Variants in CSDE1 observed in about 807,000 individuals in gnomAD.
CSDE1 encodes the protein cold shock domain-containing protein E1.
A neutral mutation model predicts 89.3 loss-of-function variants in CSDE1; 17 were observed. The observed-to-expected ratio is 0.19, with a 90% CI of 0.13 to 0.29. CSDE1 has a LOEUF of 0.29. Ranked by LOEUF, CSDE1 falls within the 10% of genes least tolerant of loss-of-function variation. The pLI is 1.00. For synonymous variants in CSDE1, 322 were observed against 332.8 expected (o/e 0.97, Z 0.35); for missense variants, 672 against 984.2 (o/e 0.68, Z 4.24).
At chr1:114,741,104 CA>C (rs1208943021) in intron 2 of CSDE1, among the ~76,000 whole-genome samples, 13 of 152,236 alleles carry the variant, frequency 8.5e-5, no homozygotes, top group African/African-American at 2.9e-4. Context: ...TTAACTTTCA[CA>C]AAAGCCCACA....
At chr1:114,754,801 GATTA>G (rs1249936225) in intron 1 of CSDE1, among the ~76,000 whole-genome samples, 6 of 152,154 alleles carry the variant, frequency 3.9e-5, no homozygotes, top group African/African-American at 1.2e-4. Context: ...AACTGTGCTG[GATTA>G]ATTATCTAAA....
Position 114,734,436 on chromosome 1 carries a change from A to G in CSDE1, c.582+6T>C, listed in dbSNP as rs1172853623. ...AAAACTCAAGTTTCTCAAATTTAAC[A>G]CTTACCTTCATGGCACAAACTACTC... is the stretch of plus-strand genomic sequence containing the variant. On this transcript the variant is annotated splice_donor_region_variant and intron_variant, in intron 7 of 19. Coordinates refer to ENST00000358528, the MANE Select transcript of CSDE1 (RefSeq NM_001007553.3). 1.9e-6 allele frequency: 3 copies of G among 1,610,738 alleles called. No homozygotes were observed. The highest frequency in any genetic ancestry group is 2.2e-5 in the East Asian group (1 of 44,782).
intron 6 of CSDE1, 35 bp downstream of exon 6, chr1:114,736,723 G>T: frequency 1.4e-6 from 2 of 1,411,994 alleles, no homozygotes; most frequent in Non-Finnish European, 2.0e-6. Flanking sequence ...AAAAAAAACC[G>T]CTTAGGTGAG....
intron 12 of CSDE1, among the ~76,000 whole-genome samples, chr1:114,729,780 A>C (rs533543512): frequency 6.6e-6 from 1 of 152,328 alleles, no homozygotes; most frequent in East Asian, 1.9e-4. Context: ...AATTCATCTC[A>C]GACATCTTTC....
rs1306821589 is a variant in CSDE1 at position 114,737,985 on chromosome 1, GGGAGGATTTCTT to G, written c.275_286del (p.Gln92_Leu95del). 3 of 1,613,152 alleles carry G rather than the reference GGGAGGATTTCTT, an allele frequency of 1.9e-6. No homozygotes were observed. The highest frequency in any genetic ancestry group is 2.5e-6 in the Non-Finnish European group (3 of 1,179,226). Reference sequence around the variant, plus strand: ...AACTTGTCCATTCATTCGTTCTTCAGGGAGGATTTCTTGTTTTATCTTCACCAGTTTAACAGC... The same window carrying G: ...AACTTGTCCATTCATTCGTTCTTCAGGTTTTATCTTCACCAGTTTAACAGC... On this transcript the variant is annotated inframe_deletion, in exon 4 of 20. Transcript: ENST00000358528.
rs752985259 is a variant in CSDE1, at chr1:114,738,661, CTTTTTTTTTT to C, written c.200-599_200-590del. 1.9e-4 allele frequency among the ~76,000 whole-genome samples: 15 copies of C among 80,040 alleles called. No homozygotes were observed. In the East Asian group the frequency reaches 2.2e-3, roughly 12 times the overall value. 52.5% of individuals were successfully genotyped at this position (80,040 alleles called of 152,430 possible). A position where few individuals can be genotyped will look rare whatever the true frequency, so the allele number is the denominator to read the frequency against. On this transcript the variant is annotated intron_variant, in intron 3 of 19. Coordinates refer to ENST00000358528, the MANE Select transcript of CSDE1 (RefSeq NM_001007553.3). ...AAGCCAAACACTTCACATGTAAAAA[CTTTTTTTTTT>C]TTTTTTTTTTTTTTTTTTTGAGACA...
At chr1:114,726,863 T>G in intron 13 of CSDE1, 120 bp downstream of exon 13, 1 of 623,560 alleles carries the variant, frequency 1.6e-6, no homozygotes, top group Non-Finnish European at 2.8e-6. Flanking sequence ...TTCATGTATT[T>G]CTCTTAAACA....
In CSDE1 at chr1:114,739,680, C is replaced by T. The variant is rs760629514; in HGVS notation, c.199+12G>A. The T allele has an allele frequency of 1.3e-6, 2 of 1,591,432 alleles. No individual in the cohort carries two copies. Among genetic ancestry groups the T allele is most frequent in the Admixed American group, 3.3e-5 (2 of 59,724 alleles). On this transcript the variant is annotated intron_variant, in intron 3 of 19. Coordinates refer to ENST00000358528, the MANE Select transcript of CSDE1 (RefSeq NM_001007553.3). ...GTGATTACATTTTTACAAAGGAGAA[C>T]TGACAGATTACCTCCTACTTTTAAG...
At chr1:114,741,524 T>TA in intron 2 of CSDE1, 1 of 1,545,716 alleles carries the variant, frequency 6.5e-7, no homozygotes, top group African/African-American at 1.4e-5. Context: ...TTTCCTGACT[T>TA]ACAGATCTCT....
chr1:114,738,167 T>C lies in CSDE1; in HGVS notation c.200-95A>G, dbSNP rs1483339054. 4.3e-6 allele frequency: 4 copies of C among 940,730 alleles called. No homozygotes were observed. In the African/African-American group the frequency reaches 4.9e-5, roughly 11 times the overall value. The allele number at this position is 940,730 out of a possible 1,614,324, so 58.3% of individuals were successfully genotyped here. A position where few individuals can be genotyped will look rare whatever the true frequency, so the allele number is the denominator to read the frequency against. The stretch of plus-strand genomic sequence containing the variant: ...ACTTAACATAGCATTTGAATTGCCT[T>C]AGACCAGTGGTTTTCAAAGTGTGGT... On this transcript the variant is annotated intron_variant, in intron 3 of 19. Transcript: ENST00000358528.
intron 2 of CSDE1, among the ~76,000 whole-genome samples, chr1:114,741,277 G>A (rs1247621501): frequency 6.6e-6 from 1 of 152,164 alleles, no homozygotes; most frequent in Admixed American, 6.5e-5. Flanking sequence ...GACTCAGTAG[G>A]TATGGGGATT....
chr1:114,718,421 G>A (rs138902771), intron 19 of CSDE1, among the ~76,000 whole-genome samples, 192 bp downstream of exon 19: 255 of 152,312 alleles, frequency 1.7e-3, no homozygotes, highest in Non-Finnish European at 2.9e-3. Context: ...ATCAAGAAAA[G>A]AAATGTGCTT....
At chr1:114,723,244 T>C (rs1659622201) in intron 16 of CSDE1, among the ~76,000 whole-genome samples, 1 of 152,130 alleles carries the variant, frequency 6.6e-6, no homozygotes, top group African/African-American at 2.4e-5. Context: ...ATCTACAGAG[T>C]TCTCTCCTAT....
chr1:114,748,164 G>C (rs1661119826), intron 2 of CSDE1, among the ~76,000 whole-genome samples: 1 of 152,142 alleles, frequency 6.6e-6, no homozygotes, highest in African/African-American at 2.4e-5. Context: ...CAATAAATTG[G>C]AAATAAAGTC....
chr1:114,723,229 T>C (rs1232298032), intron 16 of CSDE1, among the ~76,000 whole-genome samples: 2 of 152,198 alleles, frequency 1.3e-5, no homozygotes, highest in Non-Finnish European at 2.9e-5. Flanking sequence ...TCTGCTATCC[T>C]AATCATCTAC....
chr1:114,719,496 G>C, intron 18 of CSDE1, 83 bp downstream of exon 18: 1 of 1,359,158 alleles, frequency 7.4e-7, no homozygotes, highest in Non-Finnish European at 1.0e-6. Flanking sequence ...ACAAGGCACA[G>C]AAAAGTGATG....
At position 114,717,146 on chromosome 1, in the gene CSDE1, A is replaced by G. The variant is rs1659220929; in HGVS notation, c.*1023T>C. 1 of 152,560 alleles carries G rather than the reference A, an allele frequency of 6.6e-6. No homozygotes were observed. Among genetic ancestry groups the G allele is most frequent in the Non-Finnish European group, 1.5e-5 (1 of 68,042 alleles). 9.5% of individuals were successfully genotyped at this position (152,560 alleles called of 1,614,324 possible). A position where few individuals can be genotyped will look rare whatever the true frequency, so the allele number is the denominator to read the frequency against. ...AGTCCACTGGCCAGGGACCCTGTAT[A>G]TGGCCAATTCAAGAAGAGGGCCAAG... On this transcript the variant is annotated 3_prime_UTR_variant, in exon 20 of 20. Coordinates refer to ENST00000358528, the MANE Select transcript of CSDE1 (RefSeq NM_001007553.3).
At chr1:114,756,516 T>C (rs1176252475) in intron 1 of CSDE1, among the ~76,000 whole-genome samples, 2 of 152,212 alleles carry the variant, frequency 1.3e-5, no homozygotes, top group Non-Finnish European at 2.9e-5. Context: ...TTACTCAAAA[T>C]GAAAATTACT....
intron 16 of CSDE1, among the ~76,000 whole-genome samples, chr1:114,723,133 A>G (rs1659615882): frequency 6.6e-6 from 1 of 152,154 alleles, no homozygotes; most frequent in African/African-American, 2.4e-5. Context: ...CTGGGATTAC[A>G]GGCGTGAACC....
Sources: gnomAD v4.1 joint callset for allele counts (sites outside exome capture counted in the v4.1 genomes callset) on GRCh38, gnomAD v4.1.1 for gene constraint, MANE v1.5 for transcripts, NCBI Gene and HGNC (gene_info 2026-07-23, HGNC 2026-07-21) for gene names.